ANO4: variants seen among roughly 807,000 people sequenced by gnomAD.
ANO4 encodes anoctamin 4.
ANO4 carries 69 observed loss-of-function variants against 141.9 expected under a neutral mutation model. The observed-to-expected ratio is 0.49, with a 90% confidence interval of 0.40 to 0.59. ANO4 has a LOEUF of 0.59. Ranked by LOEUF, ANO4 falls within the 20% of genes least tolerant of loss-of-function variation. ANO4 has a pLI of 0.00. For synonymous variants in ANO4, 350 were observed against 394.3 expected (o/e 0.89, Z 1.33); for missense variants, 894 against 1,162.2 (o/e 0.77, Z 3.36).
intron 1 of ANO4, among the ~76,000 whole-genome samples, chr12:100,814,511 A>G (rs2035619671): frequency 1.3e-5 from 2 of 152,126 alleles, no homozygotes; most frequent in African/African-American, 2.4e-5. Context: ...GAGTGCTAGC[A>G]TCTTCTATTT....
chr12:100,808,120 A>C (rs1263490123), intron 1 of ANO4, among the ~76,000 whole-genome samples: 2 of 152,108 alleles, frequency 1.3e-5, no homozygotes, highest in African/African-American at 4.8e-5. Context: ...TTCTGTCTTT[A>C]GGTCTTTGAG....
At chr12:100,944,447 C>G (rs142011184) in intron 5 of ANO4, among the ~76,000 whole-genome samples, 16 of 152,226 alleles carry the variant, frequency 1.1e-4, no homozygotes, top group African/African-American at 3.9e-4. Flanking sequence ...AGGGAATTAT[C>G]ACTATATGGC....
intron 1 of ANO4, among the ~76,000 whole-genome samples, chr12:100,728,299 G>A (rs1222207561): frequency 6.6e-6 from 1 of 152,212 alleles, no homozygotes; most frequent in African/African-American, 2.4e-5. Flanking sequence ...TAAATAAAAT[G>A]TGTGTAGTTT....
chr12:100,921,846 A>G lies in ANO4; in HGVS notation c.56-380A>G, dbSNP rs536506496. ...TGAATTATTATAAGAAGAAGATGATATCATAAAGTGTTTGTGTTAATGTCA... is the reference window on the plus strand; with the variant it reads ...TGAATTATTATAAGAAGAAGATGATGTCATAAAGTGTTTGTGTTAATGTCA... On this transcript the variant is annotated intron_variant, in intron 2 of 27. Transcript: ENST00000392977. Among the ~76,000 whole-genome samples the G allele has an allele frequency of 1.2e-4, 19 of 152,296 alleles. No individual in the cohort carries two copies. The East Asian group carries it at 3.7e-3, about 29-fold the overall frequency.
At chr12:100,818,629 C>G (rs1486263108) in intron 1 of ANO4, among the ~76,000 whole-genome samples, 1 of 151,892 alleles carries the variant, frequency 6.6e-6, no homozygotes, top group East Asian at 1.9e-4. Context: ...AGATTCAGAT[C>G]ATTTAGCTCT....
At chr12:101,055,645 G>A (rs1235413919) in intron 14 of ANO4, among the ~76,000 whole-genome samples, 2 of 151,758 alleles carry the variant, frequency 1.3e-5, no homozygotes, top group Non-Finnish European at 2.9e-5. Context: ...TTTTAATGGT[G>A]CCTTTTGAAA....
chr12:100,785,197 C>A (rs1474862581), intron 3 of ANO4, among the ~76,000 whole-genome samples: 4 of 152,150 alleles, frequency 2.6e-5, no homozygotes, highest in Non-Finnish European at 4.4e-5. Context: ...CAACATCCCC[C>A]ACAAGGTTAG....
chr12:100,973,400 T>A (rs531333786), intron 6 of ANO4, among the ~76,000 whole-genome samples: 25 of 152,372 alleles, frequency 1.6e-4, no homozygotes, highest in African/African-American at 6.0e-4. Flanking sequence ...CATAATTTTC[T>A]GTACTTCTGA....
At chr12:100,976,957 G>C (rs981772822) in intron 7 of ANO4, among the ~76,000 whole-genome samples, 1 of 152,142 alleles carries the variant, frequency 6.6e-6, no homozygotes, top group Non-Finnish European at 1.5e-5. Flanking sequence ...AGTATGTGTG[G>C]AACAGAGCAC....
intron 7 of ANO4, among the ~76,000 whole-genome samples, chr12:100,979,591 G>A (rs547500765): frequency 8.5e-5 from 13 of 152,204 alleles, no homozygotes; most frequent in Non-Finnish European, 1.6e-4. Flanking sequence ...GGAGAAAGAG[G>A]GGACAGGATT....
chr12:100,949,812 T>C (rs1469832704), intron 5 of ANO4, among the ~76,000 whole-genome samples: 1 of 152,126 alleles, frequency 6.6e-6, no homozygotes, highest in Non-Finnish European at 1.5e-5. Flanking sequence ...GAGGATTTGG[T>C]TTTAGATTCA....
intron 1 of ANO4, among the ~76,000 whole-genome samples, chr12:100,822,923 G>A (rs542834521): frequency 3.3e-4 from 50 of 151,808 alleles, no homozygotes; most frequent in African/African-American, 9.2e-4. Context: ...AGATCTCACC[G>A]TTTGCTGTAT....
chr12:100,931,096 C>A (rs1416046869), intron 3 of ANO4, among the ~76,000 whole-genome samples: 2 of 152,104 alleles, frequency 1.3e-5, no homozygotes, highest in Admixed American at 6.6e-5. Flanking sequence ...GTAAACCAGG[C>A]AGCCTTTGCC....
intron 3 of ANO4, among the ~76,000 whole-genome samples, chr12:100,749,008 G>A (rs1465990279): frequency 1.3e-5 from 2 of 152,128 alleles, no homozygotes; most frequent in Non-Finnish European, 2.9e-5. Flanking sequence ...CATTTTGGAA[G>A]GTGATTTGTG....
At chr12:100,957,025 A>C (rs2043199055) in intron 5 of ANO4, among the ~76,000 whole-genome samples, 1 of 152,234 alleles carries the variant, frequency 6.6e-6, no homozygotes, top group African/African-American at 2.4e-5. Flanking sequence ...ATAAACTCTT[A>C]AATACTTGGA....
chr12:100,801,587 A>G (rs2034693663), intron 1 of ANO4, among the ~76,000 whole-genome samples: 1 of 151,924 alleles, frequency 6.6e-6, no homozygotes. Flanking sequence ...ATGACTGGTA[A>G]TGAGGCTGAC....
chr12:100,928,580 A>G (rs2041969158), intron 3 of ANO4, among the ~76,000 whole-genome samples: 1 of 152,130 alleles, frequency 6.6e-6, no homozygotes, highest in African/African-American at 2.4e-5. Flanking sequence ...GCTCTTTCCA[A>G]AGAAGGTGAA....
intron 8 of ANO4, among the ~76,000 whole-genome samples, chr12:100,991,597 C>T (rs530961667): frequency 1.3e-5 from 2 of 150,424 alleles, no homozygotes; most frequent in Admixed American, 1.3e-4. Context: ...AAAAACCTTT[C>T]GAGATTTTCC....
At chr12:100,921,926 A>T (rs1592723134) in intron 2 of ANO4, among the ~76,000 whole-genome samples, 1 of 152,136 alleles carries the variant, frequency 6.6e-6, no homozygotes, top group Admixed American at 6.6e-5. Flanking sequence ...GGTAGAGGCT[A>T]TGTTATATTT....
Sources: allele counts gnomAD v4.1 joint callset (sites outside exome capture counted in the v4.1 genomes callset), GRCh38; gene constraint gnomAD v4.1.1; transcripts MANE v1.5; gene names NCBI Gene and HGNC (gene_info 2026-07-23, HGNC 2026-07-21).